Variants in EIF3C observed in about 807,000 individuals in gnomAD.
The protein encoded by EIF3C is cell migration-inducing protein 17.
In EIF3C, 2 loss-of-function variants were observed where a neutral mutation model predicts 11.1. The observed-to-expected ratio is 0.18, with a 90% CI of 0.07 to 0.57. EIF3C has a LOEUF of 0.57. EIF3C is among the 20% of genes least tolerant of loss of function. The pLI, the probability that EIF3C is intolerant of heterozygous loss-of-function variation, is 0.92. For missense variants in EIF3C, 16 were observed against 114.6 expected, an observed-to-expected ratio of 0.14 and a Z score of 3.93; for synonymous variants, 2 against 41.5, an observed-to-expected ratio of 0.05 and a Z score of 3.66.
intron 1 of EIF3C, among the ~76,000 whole-genome samples, chr16:28,699,700 T>C (rs1461816463): frequency 1.3e-5 from 1 of 75,508 alleles, no homozygotes; most frequent in Non-Finnish European, 2.5e-5. Flanking sequence ...GGTGCCACCA[T>C]GCCCGGCTAA....
rs2048257510 is a variant in EIF3C, at chr16:28,698,427, G to A, written c.-31+9599G>A. Among the ~76,000 whole-genome samples, 4 of 86,822 alleles carry A rather than the reference G, an allele frequency of 4.6e-5. 1 individual carries two copies. Among genetic ancestry groups the A allele is most frequent in the Non-Finnish European group, 8.3e-5 (4 of 47,986 alleles). 57.0% of individuals were successfully genotyped at this position (86,822 alleles called of 152,430 possible). On this transcript the variant is annotated intron_variant, in intron 1 of 20. Transcript: ENST00000566501. ...CCCGGACGGCATGGCTGGCCAGGCG[G>A]GGGGCTGACCCCCCCACCTCCCTCC...
At chr16:28,694,391 T>A (rs1313790299) in intron 1 of EIF3C, among the ~76,000 whole-genome samples, 3 of 151,114 alleles carry the variant, frequency 2.0e-5, no homozygotes, top group Non-Finnish European at 1.5e-5. Context: ...CAAATCAACC[T>A]ATGGTGACAG....
At position 28,697,823 on chromosome 16, in the gene EIF3C, A is replaced by AC. The variant is rs1168183284; in HGVS notation, c.-31+9003dup. On this transcript the variant is annotated intron_variant, in intron 1 of 20. Coordinates refer to the EIF3C transcript ENST00000566501. ...GGCGGCTCGCCGGGCAGGGGGGCTG[A>AC]CCCCCCCCACCTCCCTCCCGGACGG... Among the ~76,000 whole-genome samples, 683 of 70,262 alleles carry AC rather than the reference A, an allele frequency of 9.7e-3. 62 individuals are homozygous for AC. Among genetic ancestry groups the AC allele is most frequent in the Non-Finnish European group, 0.012 (470 of 39,766 alleles). 46.1% of individuals were successfully genotyped at this position (70,262 alleles called of 152,430 possible). A position where few individuals can be genotyped will look rare whatever the true frequency, so the allele number is the denominator to read the frequency against.
intron 8 of EIF3C, chr16:28,722,926 G>A: frequency 1.3e-6 from 1 of 744,474 alleles, no homozygotes; most frequent in South Asian, 2.2e-5. Context: ...CTGACGTCAA[G>A]TGATCTACCA....
At chr16:28,697,978 C>T (rs1208894535) in intron 1 of EIF3C, among the ~76,000 whole-genome samples, 1 of 67,390 alleles carries the variant, frequency 1.5e-5, no homozygotes. Context: ...CCGGGCGGGG[C>T]GGCTGGCCGG....
intron 1 of EIF3C, among the ~76,000 whole-genome samples, chr16:28,697,888 T>G (rs1596703130): frequency 1.3e-5 from 1 of 75,590 alleles, no homozygotes; most frequent in Non-Finnish European, 2.4e-5. Context: ...CCAACCTCCC[T>G]CCCGGACGGG....
chr16:28,698,377 G>C (rs868381239), intron 1 of EIF3C, among the ~76,000 whole-genome samples: 1 of 64,788 alleles, frequency 1.5e-5, no homozygotes. Context: ...CTGGCCGGGT[G>C]GGGGGCTGAC....
intron 15 of EIF3C, among the ~76,000 whole-genome samples, chr16:28,727,796 G>T (rs112451843): frequency 0.027 from 3,177 of 116,138 alleles, 715 homozygotes; most frequent in African/African-American, 0.085. Flanking sequence ...CTCAAAAGTG[G>T]TTATACCATT....
chr16:28,710,138 GC>G (rs1309872668), upstream of EIF3C, among the ~76,000 whole-genome samples: 3 of 149,266 alleles, frequency 2.0e-5, 1 homozygote, highest in Middle Eastern at 6.8e-3. Flanking sequence ...ACAGGCATCT[GC>G]CACCATGCCA....
intron 15 of EIF3C, among the ~76,000 whole-genome samples, chr16:28,731,218 C>T (rs1387541672): frequency 4.8e-5 from 1 of 20,778 alleles, no homozygotes; most frequent in Non-Finnish European, 9.4e-5. Context: ...TTTTCCCAGC[C>T]CTAGCTGTGT....
chr16:28,700,425 C>T (rs1219861586), intron 1 of EIF3C: 1 of 385,272 alleles, frequency 2.6e-6, no homozygotes, highest in Non-Finnish European at 4.8e-6. Flanking sequence ...TACACTGCTG[C>T]ATGGGGAACT....
chr16:28,723,481 A>G lies in EIF3C; in HGVS notation c.970A>G (p.Ile324Val), dbSNP rs747158388. 3 of 1,610,256 alleles carry G rather than the reference A, an allele frequency of 1.9e-6. No individual in the cohort carries two copies. Among genetic ancestry groups the G allele is most frequent in the Non-Finnish European group, 2.5e-6 (3 of 1,177,688 alleles). Reference sequence around the variant, plus strand: ...AAAAATGTTTGCCAAGGGAACTGAGATCACCCATGCTGTTGTTATCAAGAA... The same window carrying G: ...AAAAATGTTTGCCAAGGGAACTGAGGTCACCCATGCTGTTGTTATCAAGAA... ...KPKMFAKGTE[I>V]THAVVIKKLN... The change falls in exon 10 of 21, where the codon ATC becomes GTC. Residue 324 changes from isoleucine (I) to valine (V), a missense_variant. By Grantham distance (29) the Ile-to-Val change is conservative. Coordinates refer to ENST00000331666, the MANE Select transcript of EIF3C (RefSeq NM_003752.5).
Position 28,700,505 on chromosome 16 carries a change from G to A in EIF3C, c.-30-11152G>A, listed in dbSNP as rs749266339. 6.2e-6 allele frequency: 2 copies of A among 322,756 alleles called. 1 individual carries two copies. The highest frequency in any genetic ancestry group is 1.4e-4 in the African/African-American group (2 of 14,686). The allele number at this position is 322,756 out of a possible 1,614,324, so 20.0% of individuals were successfully genotyped here. A position where few individuals can be genotyped will look rare whatever the true frequency, so the allele number is the denominator to read the frequency against. ...ATTGAAGCCCTTTTGGAGTTCCTCA[G>A]GGGGGAACTCGTCACCTCCACGGGT... On this transcript the variant is annotated intron_variant, in intron 1 of 20. Transcript: ENST00000566501.
At chr16:28,697,794 A>G in intron 1 of EIF3C, among the ~76,000 whole-genome samples, 2 of 90,660 alleles carry the variant, frequency 2.2e-5, no homozygotes, top group Non-Finnish European at 4.0e-5. Flanking sequence ...CACCTCCCGG[A>G]TGGGGCGGCT....
intron 15 of EIF3C, among the ~76,000 whole-genome samples, chr16:28,729,811 C>T (rs1432534502): frequency 6.7e-6 from 1 of 148,182 alleles, no homozygotes; most frequent in Admixed American, 6.8e-5. Flanking sequence ...AATACAGAAA[C>T]TAGTCAGGCA....
intron 1 of EIF3C, among the ~76,000 whole-genome samples, chr16:28,698,277 C>T (rs1285909692): frequency 5.9e-5 from 7 of 118,332 alleles, no homozygotes; most frequent in African/African-American, 2.1e-4. Context: ...ATCTCCCTCC[C>T]GGACGGGGTG....
chr16:28,725,765 CA>C (rs1166823476), intron 13 of EIF3C, among the ~76,000 whole-genome samples: 1,368 of 20,894 alleles, frequency 0.065, 1 homozygote, highest in Admixed American at 0.1. Flanking sequence ...GACTCCATCT[CA>C]AAAAAAAAAA....
At chr16:28,698,173 A>C (rs1596703445) in intron 1 of EIF3C, among the ~76,000 whole-genome samples, 1 of 83,114 alleles carries the variant, frequency 1.2e-5, no homozygotes, top group African/African-American at 4.9e-5. Flanking sequence ...GGCCGGGCAG[A>C]GGGGCTCCTC....
chr16:28,730,541 T>TC lies in EIF3C; in HGVS notation c.1819-1284dup, dbSNP rs2048436837. ...CCCAAGATTTGTACCACTTACCGTC[T>TC]CCCCTGTCTTAATTAGTGCCAAGTC... On this transcript the variant is annotated intron_variant, in intron 15 of 20. Transcript: ENST00000331666. Among the ~76,000 whole-genome samples, 11 of 148,590 alleles carry TC rather than the reference T, an allele frequency of 7.4e-5. No homozygotes were observed. In the Admixed American group the frequency reaches 7.5e-4, roughly 10 times the overall value.
Sources: gnomAD v4.1 joint callset for allele counts (sites outside exome capture counted in the v4.1 genomes callset) on GRCh38, gnomAD v4.1.1 for gene constraint, MANE v1.5 for transcripts, NCBI Gene and HGNC (gene_info 2026-07-23, HGNC 2026-07-21) for gene names.